The following ADRA1A variants were observed in gnomAD, a reference collection of about 807,000 sequenced individuals.
The protein encoded by ADRA1A is alpha-1A adrenergic receptor.
Under a neutral mutation model 29.6 loss-of-function variants are expected in ADRA1A, and 31 were observed. The ratio of observed to expected loss-of-function variants is 1.05; its 90% CI spans 0.79 to 1.41. ADRA1A has a LOEUF of 1.41. Ranked by LOEUF, ADRA1A falls within the 40% of genes most tolerant of loss-of-function variation. ADRA1A has a pLI of 0.00. For missense variants in ADRA1A, 619 were observed against 601.1 expected, an observed-to-expected ratio of 1.03 and a Z score of -0.31; for synonymous variants, 311 against 254.3, an observed-to-expected ratio of 1.22 and a Z score of -2.12.
At position 26,864,358 on chromosome 8, in the gene ADRA1A, G is replaced by A; in HGVS notation, c.612C>T (p.Tyr204=). 6.2e-7 allele frequency: 1 copy of A among 1,614,026 alleles called. No individual in the cohort carries two copies. Among genetic ancestry groups the A allele is most frequent in the South Asian group, 1.1e-5 (1 of 91,076 alleles). The change falls in exon 2 of 3, where the codon TAC becomes TAT. Residue 204 remains tyrosine, a synonymous_variant. Coordinates refer to ENST00000380573, the MANE Select transcript of ADRA1A (RefSeq NM_000680.4). This position sits in a 1 kb window ranked among gnomAD's most constrained non-coding sequence, Gnocchi z 8.1. Reference sequence around the variant, plus strand: ...TCTTGGCCACCACGTAGACGCGGCAGTACATGACCAGGATGATGGCCAGAG... The same window carrying A: ...TCTTGGCCACCACGTAGACGCGGCAATACATGACCAGGATGATGGCCAGAG... ...YLPLAIILVM[Y]CRVYVVAKRE...
chr8:26,770,578 G>A lies in ADRA1A; in HGVS notation c.972C>T (p.Ile324=). The A allele has an allele frequency of 6.2e-7, 1 of 1,614,210 alleles. No homozygotes were observed. The highest frequency in any genetic ancestry group is 8.5e-7 in the Non-Finnish European group (1 of 1,180,032). Residue 324 remains isoleucine, a synonymous_variant, in exon 3 of 3, where the codon ATC becomes ATT. Transcript: ENST00000380573. ...ACTCTTGGCTGGAGCATGGGTATAT[G>A]ATGGGGTTGATGCAGCTGTTTAGAT... is the stretch of plus-strand genomic sequence containing the variant. ...LGYLNSCINP[I]IYPCSSQEFK... is the part of the protein sequence containing the mutation.
chr8:26,756,517 CTT>C, exon 3 of ADRA1A: 1 of 1,528,376 alleles, frequency 6.5e-7, no homozygotes, highest in East Asian at 2.5e-5. Flanking sequence ...CTCTTTTCCT[CTT>C]TCCCTTTGCA....
Position 26,866,981 on chromosome 8 carries a change from G to A in ADRA1A, c.-732C>T. ...CACCAGCTCGCGCGCGGGGGATGTGGACCCGGCTTCGGTCCCGGGAGCTGC... is the reference window on the plus strand; with the variant it reads ...CACCAGCTCGCGCGCGGGGGATGTGAACCCGGCTTCGGTCCCGGGAGCTGC... On this transcript the variant is annotated 5_prime_UTR_variant, in exon 1 of 3. Coordinates refer to ENST00000380573, the MANE Select transcript of ADRA1A (RefSeq NM_000680.4). This position sits in a 1 kb window ranked among gnomAD's most constrained non-coding sequence, Gnocchi z 5.7. 1.0e-6 allele frequency: 1 copy of A among 985,254 alleles called. No individual in the cohort carries two copies. Among genetic ancestry groups the A allele is most frequent in the Non-Finnish European group, 1.2e-6 (1 of 829,908 alleles). 61.0% of individuals were successfully genotyped at this position (985,254 alleles called of 1,614,324 possible).
Position 26,821,443 on chromosome 8 carries a change from G to T in ADRA1A, c.883+42644C>A, listed in dbSNP as rs1017051444. 6.6e-6 allele frequency among the ~76,000 whole-genome samples: 1 copy of T among 152,050 alleles called. No homozygotes were observed. The highest frequency in any genetic ancestry group is 6.6e-5 in the Admixed American group (1 of 15,256). ...TCAGACTTTTAAACAAGCAGACCTC[G>T]AGTGAACTGAGAACTCACTTTTCAC... On this transcript the variant is annotated intron_variant, in intron 2 of 2. Transcript: ENST00000380573. This position sits in a 1 kb window ranked among gnomAD's most constrained non-coding sequence, Gnocchi z 5.6.
At chr8:26,810,826 G>A (rs73562182) in intron 2 of ADRA1A, among the ~76,000 whole-genome samples, 2 of 152,020 alleles carry the variant, frequency 1.3e-5, no homozygotes, top group East Asian at 1.9e-4. Flanking sequence ...CAACTGACCC[G>A]AAATAGTTTG....
At chr8:26,757,014 C>A in intron 2 of ADRA1A, 1 of 716,678 alleles carries the variant, frequency 1.4e-6, no homozygotes, top group Non-Finnish European at 2.5e-6. Context: ...TGAGATGATG[C>A]TTTTGGTCTT....
At chr8:26,782,204 T>C (rs1807044832) in intron 2 of ADRA1A, among the ~76,000 whole-genome samples, 1 of 152,188 alleles carries the variant, frequency 6.6e-6, no homozygotes, top group Non-Finnish European at 1.5e-5. Flanking sequence ...AGGTCTCTGC[T>C]CTTTCTCCCC....
At chr8:26,843,671 G>C (rs1467741325) in intron 2 of ADRA1A, among the ~76,000 whole-genome samples, 1 of 152,158 alleles carries the variant, frequency 6.6e-6, no homozygotes, top group Non-Finnish European at 1.5e-5. Context: ...TGAATAATGA[G>C]TAATGGGCTA....
chr8:26,781,210 C>T (rs1806956183), intron 2 of ADRA1A, among the ~76,000 whole-genome samples: 1 of 152,176 alleles, frequency 6.6e-6, no homozygotes, highest in Non-Finnish European at 1.5e-5. Flanking sequence ...TATAAACTCC[C>T]TTGAAGGAAG....
intron 2 of ADRA1A, among the ~76,000 whole-genome samples, chr8:26,773,090 A>G (rs547419682): frequency 2.6e-5 from 4 of 152,348 alleles, no homozygotes; most frequent in Admixed American, 6.5e-5. Context: ...TATTTTACAA[A>G]TGAAGAAACT....
chr8:26,858,339 C>T (rs1478378471), intron 2 of ADRA1A, among the ~76,000 whole-genome samples: 5 of 152,192 alleles, frequency 3.3e-5, no homozygotes. Flanking sequence ...CTTTCCAATG[C>T]TTTCTATTTC....
chr8:26,814,890 G>A (rs570192654), intron 2 of ADRA1A, among the ~76,000 whole-genome samples: 6 of 152,214 alleles, frequency 3.9e-5, no homozygotes, highest in Non-Finnish European at 8.8e-5. Flanking sequence ...ATTAAAATAT[G>A]TCTCTCTTCT....
At chr8:26,780,507 C>T (rs909028281) in intron 2 of ADRA1A, among the ~76,000 whole-genome samples, 2 of 152,192 alleles carry the variant, frequency 1.3e-5, no homozygotes, top group Non-Finnish European at 2.9e-5. Context: ...GTCCAATTCT[C>T]TCTGTCTTCA....
At chr8:26,849,930 C>T (rs546606213) in intron 2 of ADRA1A, among the ~76,000 whole-genome samples, 52 of 140,282 alleles carry the variant, frequency 3.7e-4, no homozygotes, top group Non-Finnish European at 6.0e-4. Context: ...TTGTGTATTA[C>T]AAAAACCAAA....
rs144655216 is a variant in ADRA1A, at chr8:26,846,075, C to T, written c.883+18012G>A. Among the ~76,000 whole-genome samples, 42 of 152,236 alleles carry T rather than the reference C, an allele frequency of 2.8e-4. No individual in the cohort carries two copies. The East Asian group carries it at 5.2e-3, about 19-fold the overall frequency. On this transcript the variant is annotated intron_variant, in intron 2 of 2. Coordinates refer to ENST00000380573, the MANE Select transcript of ADRA1A (RefSeq NM_000680.4). The stretch of plus-strand genomic sequence containing the variant: ...AAGATGGTTAAAATTGTGAATTTTA[C>T]GTTATGTGAATTTAATTACAATTAA...
chr8:26,768,549 C>T (rs61759737), downstream of ADRA1A, among the ~76,000 whole-genome samples: 32 of 152,264 alleles, frequency 2.1e-4, no homozygotes, highest in South Asian at 3.1e-3. Flanking sequence ...ACCGACATGA[C>T]GCCACAGGTG....
chr8:26,790,430 G>A (rs769880822), intron 2 of ADRA1A, among the ~76,000 whole-genome samples: 3 of 152,150 alleles, frequency 2.0e-5, no homozygotes, highest in Non-Finnish European at 4.4e-5. Context: ...GCAGAGATTA[G>A]AATAGTGGTT....
At chr8:26,857,461 G>T (rs1585851393) in intron 2 of ADRA1A, among the ~76,000 whole-genome samples, 2 of 152,200 alleles carry the variant, frequency 1.3e-5, no homozygotes, top group South Asian at 4.2e-4. Flanking sequence ...GAGGTCAGGA[G>T]CTCAAGACCA....
At chr8:26,862,179 A>G (rs1403961746) in intron 2 of ADRA1A, among the ~76,000 whole-genome samples, 2 of 152,114 alleles carry the variant, frequency 1.3e-5, no homozygotes, top group Admixed American at 1.3e-4. Context: ...GGCCTCTGTG[A>G]TCTTCATTGA....
Sources: allele counts gnomAD v4.1 joint callset (sites outside exome capture counted in the v4.1 genomes callset), GRCh38; gene constraint gnomAD v4.1.1; non-coding constraint Gnocchi (gnomAD v3.1); transcripts MANE v1.5; gene names NCBI Gene and HGNC (gene_info 2026-07-23, HGNC 2026-07-21).